The following PPP2R5E variants were observed in gnomAD, a reference collection of about 807,000 sequenced individuals.
PPP2R5E encodes protein phosphatase 2 regulatory subunit B'epsilon.
Under a neutral mutation model 65.3 loss-of-function variants are expected in PPP2R5E, and 4 were observed. That is an observed-to-expected ratio of 0.06 (90% CI 0.03 to 0.14). The LOEUF (loss-of-function observed/expected upper bound fraction) is 0.14, where lower values mean the gene tolerates loss of function less well. Among genes scored for constraint, PPP2R5E ranks in the 10% least tolerant of loss-of-function variants. The pLI is 1.00. For synonymous variants in PPP2R5E, 183 were observed against 187.4 expected, an observed-to-expected ratio of 0.98 and a Z score of 0.19; for missense variants, 274 against 556.1, an observed-to-expected ratio of 0.49 and a Z score of 5.10.
intron 2 of PPP2R5E, among the ~76,000 whole-genome samples, chr14:63,515,760 C>A (rs1892646808): frequency 6.6e-6 from 1 of 151,608 alleles, no homozygotes; most frequent in African/African-American, 2.4e-5. Context: ...ACCTTGTGAT[C>A]CACCTGCCTC....
chr14:63,538,810 T>C (rs947927718), intron 2 of PPP2R5E, among the ~76,000 whole-genome samples: 3 of 151,676 alleles, frequency 2.0e-5, no homozygotes, highest in African/African-American at 4.8e-5. Flanking sequence ...CTGGGCATGG[T>C]GGCGGGCACC....
intron 2 of PPP2R5E, among the ~76,000 whole-genome samples, chr14:63,519,958 C>T (rs537804630): frequency 4.0e-5 from 6 of 151,434 alleles, no homozygotes; most frequent in Non-Finnish European, 8.8e-5. Flanking sequence ...CCACGCCTAG[C>T]TCCTACGGAC....
intron 5 of PPP2R5E, among the ~76,000 whole-genome samples, chr14:63,405,974 G>A (rs1886056299): frequency 6.6e-6 from 1 of 152,028 alleles, no homozygotes; most frequent in African/African-American, 2.4e-5. Context: ...ACACTTAAGT[G>A]AGTACACAAA....
chr14:63,427,306 G>A (rs1594862135), intron 3 of PPP2R5E, among the ~76,000 whole-genome samples: 1 of 151,756 alleles, frequency 6.6e-6, no homozygotes, highest in African/African-American at 2.4e-5. Flanking sequence ...ATTCAAAAGT[G>A]GACTATCAAA....
intron 3 of PPP2R5E, chr14:63,451,434 A>G (rs138934664): frequency 7.2e-5 from 11 of 152,368 alleles, no homozygotes; most frequent in Non-Finnish European, 1.6e-4. Flanking sequence ...TTAAGTGCAT[A>G]TAACTAAGTC....
chr14:63,474,324 G>A lies in PPP2R5E; in HGVS notation c.158-20439C>T, dbSNP rs960167997. On this transcript the variant is annotated intron_variant, in intron 2 of 13. Coordinates refer to ENST00000337537, the MANE Select transcript of PPP2R5E (RefSeq NM_006246.5). ...TCTCCACGTTCAGTGGGTGGGAGCC[G>A]GGTTGTCTGGTTTGAGCACCTGGGT... Among the ~76,000 whole-genome samples, 51 of 152,224 alleles carry A rather than the reference G, an allele frequency of 3.4e-4. 1 individual carries two copies. The highest frequency in any genetic ancestry group is 1.2e-3 in the African/African-American group (51 of 41,518).
chr14:63,435,205 A>C (rs1887894667), intron 3 of PPP2R5E, among the ~76,000 whole-genome samples: 1 of 152,136 alleles, frequency 6.6e-6, no homozygotes, highest in African/African-American at 2.4e-5. Context: ...TCATTGCCTA[A>C]GATCTGTTCT....
chr14:63,501,377 C>A lies in PPP2R5E; in HGVS notation c.157+38152G>T, dbSNP rs11847926. ...CCGATACAGTGCCACTGCACTCCAG[C>A]CTGGGCGACAGAGCAAGACTCCGTC... On this transcript the variant is annotated intron_variant, in intron 2 of 13. Coordinates refer to ENST00000337537, the MANE Select transcript of PPP2R5E (RefSeq NM_006246.5). Among the ~76,000 whole-genome samples, 993 of 150,146 alleles carry A rather than the reference C, an allele frequency of 6.6e-3. 7 individuals are homozygous for A. Among genetic ancestry groups the A allele is most frequent in the African/African-American group, 0.022 (902 of 40,646 alleles).
chr14:63,468,821 T>C (rs1889968717), intron 2 of PPP2R5E, among the ~76,000 whole-genome samples: 1 of 152,214 alleles, frequency 6.6e-6, no homozygotes, highest in Non-Finnish European at 1.5e-5. Context: ...TTAGAGTTCT[T>C]TACAACATAT....
intron 2 of PPP2R5E, among the ~76,000 whole-genome samples, chr14:63,476,407 G>T (rs993693410): frequency 6.6e-6 from 1 of 152,022 alleles, no homozygotes; most frequent in African/African-American, 2.4e-5. Context: ...AAAGATAAAT[G>T]CTTTGCTCAA....
rs1457253591 is a variant in PPP2R5E at position 63,373,655 on chromosome 14, TG to T, written c.*2353del. On this transcript the variant is annotated 3_prime_UTR_variant, in exon 14 of 14. Transcript: ENST00000337537. ...CAAAATTGACATCAAGGAGGAGAGC[TG>T]TAAGTGTTCACCTTTACTCTTGAAG... The T allele has an allele frequency of 1.3e-5, 2 of 152,198 alleles. No homozygotes were observed. The highest frequency in any genetic ancestry group is 4.8e-5 in the African/African-American group (2 of 41,420). The allele number at this position is 152,198 out of a possible 1,614,324, so 9.4% of individuals were successfully genotyped here. A position where few individuals can be genotyped will look rare whatever the true frequency, so the allele number is the denominator to read the frequency against.
At chr14:63,524,980 G>A (rs554715446) in intron 2 of PPP2R5E, among the ~76,000 whole-genome samples, 8 of 152,276 alleles carry the variant, frequency 5.3e-5, no homozygotes, top group Admixed American at 2.0e-4. Context: ...TATGACTAAC[G>A]GCCACAACAA....
chr14:63,540,293 C>A (rs898823466), intron 1 of PPP2R5E, among the ~76,000 whole-genome samples: 16 of 150,798 alleles, frequency 1.1e-4, no homozygotes, highest in Admixed American at 6.6e-4. Context: ...TAGCCAGGCG[C>A]AGTGGCATGC....
chr14:63,422,154 G>GTCCTTGGAGCCAAGC, intron 3 of PPP2R5E, 60 bp from the exon 4 acceptor site: 1 of 1,399,410 alleles, frequency 7.1e-7, no homozygotes, highest in Non-Finnish European at 1.0e-6. Context: ...TTTACACAAG[G>GTCCTTGGAGCCAAGC]TCCTTGGAGC....
At chr14:63,537,161 T>C (rs1893696986) in intron 2 of PPP2R5E, among the ~76,000 whole-genome samples, 3 of 152,240 alleles carry the variant, frequency 2.0e-5, no homozygotes, top group East Asian at 1.9e-4. Flanking sequence ...CTATGAGTGG[T>C]CAGTGAAGTC....
chr14:63,416,338 G>A (rs975110548), intron 4 of PPP2R5E, among the ~76,000 whole-genome samples: 3 of 152,158 alleles, frequency 2.0e-5, no homozygotes, highest in African/African-American at 7.2e-5. Context: ...TGAATACTGG[G>A]TTGAATGCCT....
chr14:63,417,035 G>A (rs1234327692), intron 4 of PPP2R5E, among the ~76,000 whole-genome samples: 2 of 152,148 alleles, frequency 1.3e-5, no homozygotes, highest in Non-Finnish European at 2.9e-5. Context: ...CACAGAATCT[G>A]AAATGATATC....
At chr14:63,446,630 T>A (rs376556904) in intron 3 of PPP2R5E, among the ~76,000 whole-genome samples, 1 of 151,522 alleles carries the variant, frequency 6.6e-6, no homozygotes, top group Non-Finnish European at 1.5e-5. Flanking sequence ...GAGATCAAGA[T>A]CATCCTGGCT....
rs116488039 is a variant in PPP2R5E at position 63,425,314 on chromosome 14, G to C, written c.355-3220C>G. Among the ~76,000 whole-genome samples the C allele has an allele frequency of 9.8e-3, 1,490 of 152,158 alleles. 24 individuals are homozygous for C. Among genetic ancestry groups the C allele is most frequent in the African/African-American group, 0.034 (1,426 of 41,516 alleles). On this transcript the variant is annotated intron_variant, in intron 3 of 13. Transcript: ENST00000337537. The stretch of plus-strand genomic sequence containing the variant: ...ACTTTTCAGATAACTATCAACCTAC[G>C]ACTTCCCTTCAACCAGCCAGCTATA...
Sources: allele counts gnomAD v4.1 joint callset (sites outside exome capture counted in the v4.1 genomes callset), GRCh38; gene constraint gnomAD v4.1.1; transcripts MANE v1.5; gene names NCBI Gene and HGNC (gene_info 2026-07-23, HGNC 2026-07-21).